Variants in TRHDE observed in about 807,000 individuals in gnomAD.
TRHDE encodes the protein thyrotropin-releasing hormone-degrading ectoenzyme.
In TRHDE, 72 loss-of-function variants were observed where a neutral mutation model predicts 125.7. The ratio of observed to expected loss-of-function variants is 0.57; its 90% CI spans 0.47 to 0.70. TRHDE has a LOEUF of 0.70. Ranked by LOEUF, TRHDE falls within the 30% of genes least tolerant of loss-of-function variation. The pLI is 0.00. For missense variants in TRHDE, 1,110 were observed against 1,327.1 expected, an observed-to-expected ratio of 0.84 and a Z score of 2.54; for synonymous variants, 509 against 509.1, an observed-to-expected ratio of 1.00 and a Z score of 0.00.
intron 3 of TRHDE, among the ~76,000 whole-genome samples, chr12:72,425,646 C>T (rs1164558590): frequency 6.6e-6 from 1 of 151,942 alleles, no homozygotes; most frequent in Non-Finnish European, 1.5e-5. Context: ...TCTAAGTAAC[C>T]ATTTATTTAA....
intron 12 of TRHDE, among the ~76,000 whole-genome samples, chr12:72,616,550 G>A (rs1377407245): frequency 6.6e-6 from 1 of 151,942 alleles, no homozygotes; most frequent in Non-Finnish European, 1.5e-5. Flanking sequence ...AACATTATTT[G>A]TCATCGTTTT....
chr12:72,305,111 T>A (rs1179262299), intron 2 of TRHDE, among the ~76,000 whole-genome samples: 1 of 152,160 alleles, frequency 6.6e-6, no homozygotes, highest in African/African-American at 2.4e-5. Flanking sequence ...ACAATAAAAG[T>A]TCTTAATTAT....
At chr12:72,385,808 GAT>G (rs1334987129) in intron 3 of TRHDE, among the ~76,000 whole-genome samples, 1 of 152,054 alleles carries the variant, frequency 6.6e-6, no homozygotes, top group Non-Finnish European at 1.5e-5. Flanking sequence ...TAATGTTTAT[GAT>G]GTTCAACCAC....
chr12:72,348,589 T>C (rs12303303), intron 2 of TRHDE, among the ~76,000 whole-genome samples: 16,242 of 152,140 alleles, frequency 0.11, 989 homozygotes, highest in Admixed American at 0.16. Context: ...CCTACTCTTC[T>C]TATTAGAGAA....
chr12:72,089,476 C>A (rs1005513514), intron 1 of TRHDE, among the ~76,000 whole-genome samples: 2 of 152,208 alleles, frequency 1.3e-5, no homozygotes, highest in Non-Finnish European at 2.9e-5. Flanking sequence ...CATGCTGCCA[C>A]AATCTGTGCA....
rs763918164 is a variant in TRHDE at position 72,286,873 on chromosome 12, C to A, written c.1107C>A (p.Thr369=). 6.2e-7 allele frequency: 1 copy of A among 1,613,634 alleles called. No individual in the cohort carries two copies. The highest frequency in any genetic ancestry group is 8.5e-7 in the Non-Finnish European group (1 of 1,179,894). ...GGGTTACGGATCACTTTTCACAGAC[C>A]CCTCTCATGTCCACATATTATTTAG... ...DGWVTDHFSQ[T]PLMSTYYLAW... is the part of the protein sequence containing the mutation. The change falls in exon 2 of 19, where the codon ACC becomes ACA. Residue 369 remains threonine, a synonymous_variant. Coordinates refer to ENST00000261180, the MANE Select transcript of TRHDE (RefSeq NM_013381.3).
chr12:72,197,750 T>C (rs985203705), intron 2 of TRHDE, among the ~76,000 whole-genome samples: 6 of 152,098 alleles, frequency 3.9e-5, no homozygotes, highest in African/African-American at 1.4e-4. Context: ...ATTTCCTCCT[T>C]TGTGTATCTG....
rs577288755 is a variant in TRHDE, at chr12:72,281,065, G to A, written c.915-5616G>A. The stretch of plus-strand genomic sequence containing the variant: ...GGTAAGCATATTTAGTACATAAATG[G>A]TGAAACAATTATGAATATTATGCTC... On this transcript the variant is annotated intron_variant, in intron 1 of 18. Transcript: ENST00000261180. Among the ~76,000 whole-genome samples, 5 of 152,202 alleles carry A rather than the reference G, an allele frequency of 3.3e-5. No individual in the cohort carries two copies. In the East Asian group the frequency reaches 7.7e-4, roughly 24 times the overall value.
At chr12:72,498,963 ATGTGTGTGTG>A (rs72163048) in intron 5 of TRHDE, among the ~76,000 whole-genome samples, 6 of 147,170 alleles carry the variant, frequency 4.1e-5, no homozygotes, top group South Asian at 2.2e-4. Flanking sequence ...CAGAAAATAA[ATGTGTGTGTG>A]TGTGTGTGTG....
chr12:72,215,982 C>CAAGACAAAT (rs1877882300), intron 2 of TRHDE, among the ~76,000 whole-genome samples: 1 of 152,128 alleles, frequency 6.6e-6, no homozygotes, highest in African/African-American at 2.4e-5. Context: ...CAAGACAAAG[C>CAAGACAAAT]TGGGTTTACA....
chr12:72,301,529 G>C (rs1868259627), intron 2 of TRHDE, among the ~76,000 whole-genome samples: 1 of 152,186 alleles, frequency 6.6e-6, no homozygotes, highest in South Asian at 2.1e-4. Flanking sequence ...GTCAAGCACA[G>C]GCTGAACAGA....
At chr12:72,460,832 G>A (rs1293681198) in intron 3 of TRHDE, among the ~76,000 whole-genome samples, 2 of 152,064 alleles carry the variant, frequency 1.3e-5, no homozygotes, top group African/African-American at 4.8e-5. Flanking sequence ...AATCAAAGTA[G>A]CACTAATTTT....
At chr12:72,482,618 G>A (rs534479389) in intron 5 of TRHDE, among the ~76,000 whole-genome samples, 3 of 151,870 alleles carry the variant, frequency 2.0e-5, no homozygotes, top group African/African-American at 4.8e-5. Context: ...TGCAAGATAG[G>A]TTACTTAAAT....
At chr12:72,089,033 T>C (rs2139280887) in intron 1 of TRHDE, among the ~76,000 whole-genome samples, 1 of 152,290 alleles carries the variant, frequency 6.6e-6, no homozygotes, top group South Asian at 2.1e-4. Context: ...TGATCCTCCT[T>C]TTCAAACCTC....
At chr12:72,177,250 G>T (rs548303801) in intron 2 of TRHDE, among the ~76,000 whole-genome samples, 1 of 152,230 alleles carries the variant, frequency 6.6e-6, no homozygotes, top group East Asian at 1.9e-4. Flanking sequence ...AAACGTGGAA[G>T]GCTCCACTTG....
At chr12:72,365,253 C>A (rs959882503) in intron 2 of TRHDE, among the ~76,000 whole-genome samples, 5 of 152,074 alleles carry the variant, frequency 3.3e-5, no homozygotes, top group African/African-American at 1.2e-4. Flanking sequence ...TTCTTTCAAG[C>A]TTTGAGGTTT....
At chr12:72,352,991 G>C (rs1870652005) in intron 2 of TRHDE, among the ~76,000 whole-genome samples, 1 of 150,128 alleles carries the variant, frequency 6.7e-6, no homozygotes, top group South Asian at 2.1e-4. Flanking sequence ...ATGTGTTTCT[G>C]CTTCTTTTTT....
intron 2 of TRHDE, among the ~76,000 whole-genome samples, chr12:72,127,831 A>C (rs551821885): frequency 1.3e-5 from 2 of 152,242 alleles, no homozygotes; most frequent in African/African-American, 4.8e-5. Context: ...TAAAATTTGA[A>C]ATGTATATAT....
At chr12:72,388,446 A>G (rs995648995) in intron 3 of TRHDE, among the ~76,000 whole-genome samples, 3 of 152,150 alleles carry the variant, frequency 2.0e-5, no homozygotes, top group Non-Finnish European at 4.4e-5. Flanking sequence ...TCACTGCTCT[A>G]TTCCCTCTAC....
Sources: gnomAD v4.1 joint callset for allele counts (sites outside exome capture counted in the v4.1 genomes callset) on GRCh38, gnomAD v4.1.1 for gene constraint, MANE v1.5 for transcripts, NCBI Gene and HGNC (gene_info 2026-07-23, HGNC 2026-07-21) for gene names.